Variants in LINGO2 observed in about 807,000 individuals in gnomAD.
LINGO2 encodes leucine rich repeat and Ig domain containing 2, also known as leucine-rich repeat and immunoglobulin-like domain-containing nogo receptor-interacting protein 2.
Under a neutral mutation model 30.6 loss-of-function variants are expected in LINGO2, and 14 were observed. The ratio of observed to expected loss-of-function variants is 0.46; its 90% CI spans 0.30 to 0.72. The LOEUF (loss-of-function observed/expected upper bound fraction) is 0.72, where lower values mean the gene tolerates loss of function less well. Ranked by LOEUF, LINGO2 falls within the 30% of genes least tolerant of loss-of-function variation. LINGO2 has a pLI of 0.07. For missense variants in LINGO2, 729 were observed against 751.7 expected (o/e 0.97, Z 0.35); for synonymous variants, 317 against 288.5 (o/e 1.10, Z -1.00).
At chr9:29,168,962 T>C in the LINGO2 span, among the ~76,000 whole-genome samples, 1 of 152,216 alleles carries the variant, frequency 6.6e-6, no homozygotes, top group Admixed American at 6.5e-5. Context: ...CTTTTTGTTT[T>C]GTTTCATTTT....
chr9:28,537,153 A>G (rs1288265353), intron 1 of LINGO2, among the ~76,000 whole-genome samples: 1 of 152,150 alleles, frequency 6.6e-6, no homozygotes, highest in Non-Finnish European at 1.5e-5. Context: ...CGAAAGAAGC[A>G]TGAAAAATAC....
At chr9:28,618,141 G>A (rs1446397478) in intron 1 of LINGO2, among the ~76,000 whole-genome samples, 1 of 152,100 alleles carries the variant, frequency 6.6e-6, no homozygotes, top group African/African-American at 2.4e-5. Flanking sequence ...GCAACCATTT[G>A]AGTAATCTTG....
At chr9:29,137,979 T>A in the LINGO2 span, among the ~76,000 whole-genome samples, 1 of 152,026 alleles carries the variant, frequency 6.6e-6, no homozygotes, top group Non-Finnish European at 1.5e-5. Context: ...ACCTAGGAAA[T>A]AATACATTCT....
At chr9:28,754,350 C>T in the LINGO2 span, among the ~76,000 whole-genome samples, 1 of 152,014 alleles carries the variant, frequency 6.6e-6, no homozygotes, top group Non-Finnish European at 1.5e-5. Context: ...GTGTCTGATG[C>T]TAAAATTCTA....
chr9:27,960,668 GCTT>G (rs1408218431), intron 5 of LINGO2, among the ~76,000 whole-genome samples: 6 of 143,394 alleles, frequency 4.2e-5, no homozygotes, highest in African/African-American at 1.5e-4. Context: ...CATTTAGAAA[GCTT>G]CTCTTTTTGA....
chr9:28,119,122 C>G (rs1827019796), intron 4 of LINGO2, among the ~76,000 whole-genome samples: 1 of 152,104 alleles, frequency 6.6e-6, no homozygotes, highest in South Asian at 2.1e-4. Flanking sequence ...TGGAAGTGCA[C>G]AGTGTGAATA....
chr9:28,233,492 G>A (rs951381860), intron 4 of LINGO2, among the ~76,000 whole-genome samples: 1 of 149,412 alleles, frequency 6.7e-6, no homozygotes, highest in Non-Finnish European at 1.5e-5. Flanking sequence ...TTGAACACAT[G>A]CAAAAGCCTG....
chr9:29,075,078 G>A, the LINGO2 span, among the ~76,000 whole-genome samples: 1 of 152,024 alleles, frequency 6.6e-6, no homozygotes, highest in Admixed American at 6.6e-5. Flanking sequence ...TGTATTGTCT[G>A]TTTTGAAAAA....
intron 1 of LINGO2, among the ~76,000 whole-genome samples, chr9:28,528,194 C>T (rs2135420291): frequency 6.6e-6 from 1 of 152,270 alleles, no homozygotes; most frequent in South Asian, 2.1e-4. Context: ...GAGACAAGTT[C>T]TGTTCAACTT....
chr9:28,936,958 T>C, the LINGO2 span, among the ~76,000 whole-genome samples: 1 of 152,174 alleles, frequency 6.6e-6, no homozygotes, highest in Non-Finnish European at 1.5e-5. Context: ...TATCCTCACA[T>C]GGCTTTTTCT....
chr9:28,172,737 T>A (rs977536011), intron 4 of LINGO2, among the ~76,000 whole-genome samples: 1 of 152,178 alleles, frequency 6.6e-6, no homozygotes, highest in Non-Finnish European at 1.5e-5. Context: ...TTTCTCAATT[T>A]TTTTTTTCTG....
At position 28,412,204 on chromosome 9, in the gene LINGO2, A is replaced by C. The variant is rs781554031; in HGVS notation, c.-278-39336T>G. ...GTAAGTGAAAAAAAAAAAAAAAAAAAACCTTGTTAATTTGTTTCTTTAAAA... is the reference window on the plus strand; with the variant it reads ...GTAAGTGAAAAAAAAAAAAAAAAAACACCTTGTTAATTTGTTTCTTTAAAA... On this transcript the variant is annotated intron_variant, in intron 2 of 5. Transcript: ENST00000379992. Among the ~76,000 whole-genome samples the C allele has an allele frequency of 1.3e-3, 182 of 139,802 alleles. 1 individual carries two copies. The highest frequency in any genetic ancestry group is 2.5e-3 in the Non-Finnish European group (158 of 63,646). 91.7% of individuals were successfully genotyped at this position (139,802 alleles called of 152,430 possible). A position where few individuals can be genotyped will look rare whatever the true frequency, so the allele number is the denominator to read the frequency against.
At chr9:28,865,900 A>C in the LINGO2 span, among the ~76,000 whole-genome samples, 3 of 152,142 alleles carry the variant, frequency 2.0e-5, no homozygotes, top group Non-Finnish European at 4.4e-5. Context: ...TCCAATAATA[A>C]TAGTGAAATA....
chr9:28,004,899 T>C (rs1211520479), intron 5 of LINGO2, among the ~76,000 whole-genome samples: 3 of 152,144 alleles, frequency 2.0e-5, no homozygotes, highest in Admixed American at 6.5e-5. Context: ...CTTCCAGAAA[T>C]GGGTTTGTGT....
the LINGO2 span, among the ~76,000 whole-genome samples, chr9:29,122,785 G>A: frequency 6.6e-6 from 1 of 152,032 alleles, no homozygotes; most frequent in Non-Finnish European, 1.5e-5. Flanking sequence ...CATATACTAT[G>A]ACCAAACAGC....
intron 4 of LINGO2, among the ~76,000 whole-genome samples, chr9:28,034,551 T>C (rs1021150955): frequency 6.6e-6 from 1 of 152,242 alleles, no homozygotes; most frequent in Non-Finnish European, 1.5e-5. Context: ...ATGTGTGATA[T>C]TTGAAGGATA....
At chr9:28,919,887 A>G in the LINGO2 span, among the ~76,000 whole-genome samples, 1 of 152,204 alleles carries the variant, frequency 6.6e-6, no homozygotes, top group Admixed American at 6.5e-5. Context: ...CATTGGTATA[A>G]TCACGCTATA....
At chr9:28,678,975 A>G in the LINGO2 span, among the ~76,000 whole-genome samples, 1 of 152,108 alleles carries the variant, frequency 6.6e-6, no homozygotes, top group African/African-American at 2.4e-5. Context: ...GATTTTGGGG[A>G]TGGTGGATCT....
At chr9:28,654,621 C>T (rs1472761067) in intron 1 of LINGO2, among the ~76,000 whole-genome samples, 1 of 151,954 alleles carries the variant, frequency 6.6e-6, no homozygotes, top group Admixed American at 6.6e-5. Flanking sequence ...TCCAGTCTCC[C>T]ATGTCTTAGA....
Sources: allele counts gnomAD v4.1 joint callset (sites outside exome capture counted in the v4.1 genomes callset), GRCh38; gene constraint gnomAD v4.1.1; transcripts MANE v1.5; gene names NCBI Gene and HGNC (gene_info 2026-07-23, HGNC 2026-07-21).